ANTXR2: variants seen among roughly 807,000 people sequenced by gnomAD.
ANTXR2 encodes the protein anthrax toxin receptor 2.
Under a neutral mutation model 73.7 loss-of-function variants are expected in ANTXR2, and 44 were observed. The observed-to-expected ratio is 0.60, with a 90% CI of 0.47 to 0.77. ANTXR2 has a LOEUF of 0.77. Ranked by LOEUF, ANTXR2 falls within the 30% of genes least tolerant of loss-of-function variation. ANTXR2 has a pLI of 0.00. For missense variants in ANTXR2, 604 were observed against 592.5 expected (o/e 1.02, Z -0.20); for synonymous variants, 217 against 205.9 (o/e 1.05, Z -0.46).
chr4:79,971,516 CTA>C (rs1729437294), intron 16 of ANTXR2, among the ~76,000 whole-genome samples: 1 of 3,226 alleles, frequency 3.1e-4, no homozygotes, highest in African/African-American at 1.2e-3. Context: ...TGACTTCAAA[CTA>C]TACTACAAGG....
chr4:79,917,677 TA>T (rs1727409687), intron 16 of ANTXR2, among the ~76,000 whole-genome samples: 1 of 152,076 alleles, frequency 6.6e-6, no homozygotes, highest in Admixed American at 6.6e-5. Context: ...ACTAGTGAAC[TA>T]AAAATAAGTA....
chr4:80,042,226 T>C (rs1409427453), intron 7 of ANTXR2, among the ~76,000 whole-genome samples: 1 of 152,086 alleles, frequency 6.6e-6, no homozygotes, highest in Non-Finnish European at 1.5e-5. Flanking sequence ...GCCCTAACTC[T>C]GGTTTTCGAA....
At chr4:80,033,665 A>AT in intron 8 of ANTXR2, 95 bp from the exon 9 acceptor site, 1 of 891,606 alleles carries the variant, frequency 1.1e-6, no homozygotes, top group South Asian at 1.8e-5. Flanking sequence ...GCAAAGAATA[A>AT]TTTTTTTCAT....
chr4:79,976,291 C>T (rs1361704487), intron 16 of ANTXR2, among the ~76,000 whole-genome samples: 1 of 152,162 alleles, frequency 6.6e-6, no homozygotes, highest in Non-Finnish European at 1.5e-5. Context: ...GAGGAATGAT[C>T]ATGTTGACAC....
At chr4:79,912,202 A>G (rs1338986299) in intron 16 of ANTXR2, among the ~76,000 whole-genome samples, 2 of 151,912 alleles carry the variant, frequency 1.3e-5, no homozygotes, top group African/African-American at 4.8e-5. Context: ...TTTATCACTG[A>G]CTTTATGCTA....
At chr4:80,004,376 A>C (rs1436658795) in intron 12 of ANTXR2, among the ~76,000 whole-genome samples, 1 of 152,066 alleles carries the variant, frequency 6.6e-6, no homozygotes, top group African/African-American at 2.4e-5. Flanking sequence ...ACAAATTATC[A>C]TACACTTAGT....
intron 10 of ANTXR2, among the ~76,000 whole-genome samples, chr4:80,019,314 C>T (rs1203912211): frequency 6.6e-6 from 1 of 152,136 alleles, no homozygotes; most frequent in Non-Finnish European, 1.5e-5. Context: ...TTGCAGTGAG[C>T]CAAGATCATG....
chr4:80,045,954 C>G (rs1037786749), intron 7 of ANTXR2, among the ~76,000 whole-genome samples: 18 of 151,864 alleles, frequency 1.2e-4, no homozygotes, highest in South Asian at 8.3e-4. Context: ...CTTAAAAATG[C>G]TTAGAGCTTC....
intron 16 of ANTXR2, among the ~76,000 whole-genome samples, chr4:79,937,584 T>C (rs1405111031): frequency 6.6e-6 from 1 of 152,190 alleles, no homozygotes; most frequent in Non-Finnish European, 1.5e-5. Flanking sequence ...ATTTGTTCCG[T>C]TATCTAAACT....
intron 10 of ANTXR2, among the ~76,000 whole-genome samples, chr4:80,021,672 T>C (rs1390634475): frequency 2.0e-5 from 3 of 152,122 alleles, no homozygotes; most frequent in Non-Finnish European, 4.4e-5. Context: ...GTTTACTCTT[T>C]CCTATGGTAG....
Position 79,907,440 on chromosome 4 carries a change from G to T in ANTXR2, c.1456C>A (p.Pro486Thr), listed in dbSNP as rs768122736. The T allele has an allele frequency of 6.2e-7, 1 of 1,612,676 alleles. No individual in the cohort carries two copies. The highest frequency in any genetic ancestry group is 1.7e-5 in the Admixed American group (1 of 59,910). The change falls in exon 17 of 17, where the codon CCA becomes ACA. Residue 486 changes from proline to threonine, a missense_variant. Coordinates refer to ENST00000403729, the MANE Select transcript of ANTXR2 (RefSeq NM_058172.6). ...EGRCINFSRV[P>T]SQ The stretch of plus-strand genomic sequence containing the variant: ...TTCCTGCTTCCCTTTTACTGAGATG[G>T]AACTCGGGAGAAGTTTATGCACCGG...
intron 12 of ANTXR2, among the ~76,000 whole-genome samples, chr4:79,990,837 T>C (rs545021716): frequency 6.6e-6 from 1 of 152,026 alleles, no homozygotes; most frequent in Non-Finnish European, 1.5e-5. Context: ...TTCAACAAAG[T>C]TGACAATAAC....
At chr4:80,003,766 G>T (rs1482001278) in intron 12 of ANTXR2, among the ~76,000 whole-genome samples, 1 of 151,932 alleles carries the variant, frequency 6.6e-6, no homozygotes, top group African/African-American at 2.4e-5. Flanking sequence ...AACACCAAAT[G>T]CTGAAAATCT....
At chr4:79,963,562 T>C (rs771033852) in intron 16 of ANTXR2, among the ~76,000 whole-genome samples, 2 of 152,222 alleles carry the variant, frequency 1.3e-5, no homozygotes, top group Non-Finnish European at 2.9e-5. Flanking sequence ...CTTTGCTACA[T>C]ACTACCATCT....
intron 16 of ANTXR2, among the ~76,000 whole-genome samples, chr4:79,946,727 AAATAC>A (rs1728530150): frequency 1.3e-5 from 2 of 152,148 alleles, no homozygotes; most frequent in African/African-American, 2.4e-5. Flanking sequence ...ACTTTTAATA[AAATAC>A]ATTTATAAGA....
intron 12 of ANTXR2, among the ~76,000 whole-genome samples, chr4:80,006,648 C>A (rs1236634070): frequency 6.6e-6 from 1 of 152,100 alleles, no homozygotes; most frequent in Non-Finnish European, 1.5e-5. Flanking sequence ...GATTTGAGAT[C>A]TGTAGAGTCC....
At position 80,014,571 on chromosome 4, in the gene ANTXR2, T is replaced by A. The variant is rs538336752; in HGVS notation, c.945+4327A>T. Reference sequence around the variant, plus strand: ...CAGAACAAGACTCAGTCTCAAAAAATATATATATATAAATAAATAAATAAA... The same window carrying A: ...CAGAACAAGACTCAGTCTCAAAAAAAATATATATATAAATAAATAAATAAA... On this transcript the variant is annotated intron_variant, in intron 11 of 16. Coordinates refer to ENST00000403729, the MANE Select transcript of ANTXR2 (RefSeq NM_058172.6). Among the ~76,000 whole-genome samples, 9 of 151,594 alleles carry A rather than the reference T, an allele frequency of 5.9e-5. No individual in the cohort carries two copies. In the South Asian group the frequency reaches 8.3e-4, roughly 14 times the overall value.
intron 14 of ANTXR2, among the ~76,000 whole-genome samples, chr4:79,979,315 C>T (rs1031798818): frequency 2.0e-5 from 3 of 151,844 alleles, no homozygotes; most frequent in South Asian, 2.1e-4. Flanking sequence ...CAAAAATGGG[C>T]GAGGTCAGAG....
At chr4:79,936,696 A>G (rs1205958263) in intron 16 of ANTXR2, among the ~76,000 whole-genome samples, 1 of 152,192 alleles carries the variant, frequency 6.6e-6, no homozygotes, top group East Asian at 1.9e-4. Context: ...AAAGACTAAC[A>G]CATGAAATAA....
Sources: allele counts gnomAD v4.1 joint callset (sites outside exome capture counted in the v4.1 genomes callset), GRCh38; gene constraint gnomAD v4.1.1; transcripts MANE v1.5; gene names NCBI Gene and HGNC (gene_info 2026-07-23, HGNC 2026-07-21).